The following CAMKMT variants were observed in gnomAD, a reference collection of about 807,000 sequenced individuals.
CAMKMT encodes the protein CaM KMT.
A neutral mutation model predicts 48.0 loss-of-function variants in CAMKMT; 53 were observed. The observed-to-expected ratio is 1.10, with a 90% CI of 0.89 to 1.39. CAMKMT has a LOEUF of 1.39. Ranked by LOEUF, CAMKMT falls within the 40% of genes most tolerant of loss-of-function variation. CAMKMT has a pLI of 0.00. For missense variants in CAMKMT, 428 were observed against 402.7 expected, an observed-to-expected ratio of 1.06 and a Z score of -0.54; for synonymous variants, 165 against 152.3, an observed-to-expected ratio of 1.08 and a Z score of -0.61.
At chr2:44,482,172 T>C (rs1482643028) in intron 3 of CAMKMT, among the ~76,000 whole-genome samples, 9 of 152,098 alleles carry the variant, frequency 5.9e-5, no homozygotes, top group African/African-American at 1.9e-4. Flanking sequence ...GTGACTGATA[T>C]GCCTGAATTT....
chr2:44,680,778 C>T (rs1397631722), intron 3 of CAMKMT, among the ~76,000 whole-genome samples: 1 of 152,040 alleles, frequency 6.6e-6, no homozygotes, highest in Non-Finnish European at 1.5e-5. Context: ...CCAACTGCCT[C>T]ATGTAAAATA....
intron 3 of CAMKMT, among the ~76,000 whole-genome samples, chr2:44,697,898 A>T (rs540864925): frequency 6.6e-6 from 1 of 152,296 alleles, no homozygotes; most frequent in South Asian, 2.1e-4. Flanking sequence ...TTACCAGAAG[A>T]GTTAGCTAAA....
At position 44,574,937 on chromosome 2, in the gene CAMKMT, G is replaced by A. The variant is rs543378398; in HGVS notation, c.377-129346G>A. On this transcript the variant is annotated intron_variant, in intron 3 of 10. Transcript: ENST00000378494. ...CTATTTTTTCGTTTTTGTATTTTTA[G>A]TAGAGACCAGGTTTTACCCTGTTGG... is the stretch of plus-strand genomic sequence containing the variant. 9.3e-5 allele frequency among the ~76,000 whole-genome samples: 14 copies of A among 150,988 alleles called. No individual in the cohort carries two copies. In the South Asian group the frequency reaches 2.7e-3, roughly 29 times the overall value.
chr2:44,434,635 A>T (rs183025249), intron 3 of CAMKMT, among the ~76,000 whole-genome samples: 96 of 152,320 alleles, frequency 6.3e-4, no homozygotes, highest in East Asian at 3.9e-4. Flanking sequence ...AAGATCAATT[A>T]ACACAAGTAT....
intron 6 of CAMKMT, among the ~76,000 whole-genome samples, chr2:44,708,641 A>G (rs896404384): frequency 6.6e-6 from 1 of 152,124 alleles, no homozygotes; most frequent in Non-Finnish European, 1.5e-5. Context: ...AGACTGTCTC[A>G]AGTTTTTCAA....
intron 3 of CAMKMT, among the ~76,000 whole-genome samples, chr2:44,537,470 ATTG>A (rs969025562): frequency 6.6e-6 from 1 of 152,204 alleles, no homozygotes; most frequent in Non-Finnish European, 1.5e-5. Context: ...ACAATGAGAT[ATTG>A]TTGTATCTTA....
At chr2:44,530,048 A>G (rs1666398397) in intron 3 of CAMKMT, among the ~76,000 whole-genome samples, 1 of 152,202 alleles carries the variant, frequency 6.6e-6, no homozygotes, top group Admixed American at 6.5e-5. Flanking sequence ...CATCAGTTAG[A>G]GAAATGGATT....
chr2:44,382,732 G>T (rs927020162), intron 2 of CAMKMT, among the ~76,000 whole-genome samples: 1 of 151,882 alleles, frequency 6.6e-6, no homozygotes, highest in African/African-American at 2.4e-5. Context: ...ACCCGCCTTG[G>T]CCTCCCAAAG....
At chr2:44,739,697 C>T (rs536772620) in intron 7 of CAMKMT, among the ~76,000 whole-genome samples, 48 of 152,128 alleles carry the variant, frequency 3.2e-4, no homozygotes, top group African/African-American at 1.1e-3. Flanking sequence ...TTTGGTGGAA[C>T]GGTGGGGACA....
chr2:44,548,040 G>T (rs1296173781), intron 3 of CAMKMT, among the ~76,000 whole-genome samples: 10 of 152,194 alleles, frequency 6.6e-5, no homozygotes, highest in Non-Finnish European at 1.5e-4. Flanking sequence ...CAGATTTAGG[G>T]AGACAGAAGA....
At chr2:44,519,113 G>A (rs768949060) in intron 3 of CAMKMT, among the ~76,000 whole-genome samples, 1 of 152,184 alleles carries the variant, frequency 6.6e-6, no homozygotes, top group Non-Finnish European at 1.5e-5. Context: ...AACTCTTAAT[G>A]CTATCACAAA....
intron 3 of CAMKMT, among the ~76,000 whole-genome samples, chr2:44,564,803 G>A (rs911894269): frequency 2.6e-5 from 4 of 152,232 alleles, no homozygotes; most frequent in African/African-American, 9.6e-5. Flanking sequence ...GCCCCCCAAA[G>A]AACTGGGATT....
At chr2:44,381,075 G>A (rs981669372) in intron 2 of CAMKMT, among the ~76,000 whole-genome samples, 1 of 152,076 alleles carries the variant, frequency 6.6e-6, no homozygotes, top group African/African-American at 2.4e-5. Flanking sequence ...CAGGAGAATC[G>A]CTTGAACCCG....
chr2:44,397,227 C>T (rs773552290), intron 3 of CAMKMT, among the ~76,000 whole-genome samples: 12 of 152,030 alleles, frequency 7.9e-5, no homozygotes, highest in Non-Finnish European at 1.5e-4. Flanking sequence ...TGGGAAAGTA[C>T]AAAGAGGTTA....
intron 3 of CAMKMT, among the ~76,000 whole-genome samples, chr2:44,492,735 A>G (rs552937459): frequency 1.3e-5 from 2 of 152,294 alleles, no homozygotes; most frequent in South Asian, 2.1e-4. Flanking sequence ...TTGAATATTT[A>G]TCATCACTCA....
At chr2:44,507,581 T>A (rs1429338809) in intron 3 of CAMKMT, among the ~76,000 whole-genome samples, 3 of 152,222 alleles carry the variant, frequency 2.0e-5, no homozygotes, top group Non-Finnish European at 4.4e-5. Flanking sequence ...CTCATCATTT[T>A]AGAAGTCCTG....
At position 44,619,392 on chromosome 2, in the gene CAMKMT, A is replaced by T. The variant is rs116753521; in HGVS notation, c.377-84891A>T. Among the ~76,000 whole-genome samples the T allele has an allele frequency of 5.9e-3, 904 of 152,304 alleles. 10 individuals are homozygous for T. The highest frequency in any genetic ancestry group is 0.021 in the African/African-American group (854 of 41,560). Reference sequence around the variant, plus strand: ...TTACCTGGCAAATAACTTAAATATAATAATTTGTAATTCATTGCACCTACT... The same window carrying T: ...TTACCTGGCAAATAACTTAAATATATTAATTTGTAATTCATTGCACCTACT... On this transcript the variant is annotated intron_variant, in intron 3 of 10. Coordinates refer to ENST00000378494, the MANE Select transcript of CAMKMT (RefSeq NM_024766.5).
intron 3 of CAMKMT, among the ~76,000 whole-genome samples, chr2:44,660,113 A>T (rs923452836): frequency 6.6e-6 from 1 of 152,238 alleles, no homozygotes; most frequent in Non-Finnish European, 1.5e-5. Flanking sequence ...ATGAAAAGTA[A>T]TTATATTTTC....
At chr2:44,760,356 A>G (rs1371608919) in intron 9 of CAMKMT, among the ~76,000 whole-genome samples, 1 of 152,000 alleles carries the variant, frequency 6.6e-6, no homozygotes, top group Non-Finnish European at 1.5e-5. Flanking sequence ...TTTTGAGGTT[A>G]GGGTTGGGGA....
Sources: gnomAD v4.1 joint callset for allele counts (sites outside exome capture counted in the v4.1 genomes callset) on GRCh38, gnomAD v4.1.1 for gene constraint, MANE v1.5 for transcripts, NCBI Gene and HGNC (gene_info 2026-07-23, HGNC 2026-07-21) for gene names.